The following PPP2R2B variants were observed in gnomAD, a reference collection of about 807,000 sequenced individuals.
PPP2R2B encodes protein phosphatase 2 regulatory subunit Bbeta.
A neutral mutation model predicts 46.0 loss-of-function variants in PPP2R2B; 5 were observed. The observed-to-expected ratio is 0.11, with a 90% CI of 0.06 to 0.23. The LOEUF is 0.23. PPP2R2B is among the 10% of genes least tolerant of loss of function. The pLI is 1.00. For missense variants in PPP2R2B, 367 were observed against 575.0 expected (o/e 0.64, Z 3.70); for synonymous variants, 215 against 206.7 (o/e 1.04, Z -0.34).
At chr5:146,928,080 C>T (rs1187264674) in intron 1 of PPP2R2B, among the ~76,000 whole-genome samples, 1 of 152,156 alleles carries the variant, frequency 6.6e-6, no homozygotes, top group African/African-American at 2.4e-5. Context: ...ATTCATCGCA[C>T]TATCTGCTGT....
intron 1 of PPP2R2B, among the ~76,000 whole-genome samples, chr5:147,031,071 C>T (rs1755756257): frequency 6.6e-6 from 1 of 151,998 alleles, no homozygotes; most frequent in African/African-American, 2.4e-5. Flanking sequence ...CCCGTCTCTA[C>T]TAAAAAATGC....
At chr5:146,825,977 G>A (rs978162815) in intron 2 of PPP2R2B, among the ~76,000 whole-genome samples, 1 of 152,012 alleles carries the variant, frequency 6.6e-6, no homozygotes, top group Non-Finnish European at 1.5e-5. Flanking sequence ...TCATGCCAGG[G>A]GAATCTTATG....
intron 2 of PPP2R2B, among the ~76,000 whole-genome samples, chr5:146,872,815 T>C (rs1421629985): frequency 6.6e-6 from 1 of 152,184 alleles, no homozygotes. Context: ...CCCTATTCTA[T>C]TGTGAGGTAC....
chr5:146,693,763 A>G (rs1779015470), intron 4 of PPP2R2B, among the ~76,000 whole-genome samples: 1 of 152,242 alleles, frequency 6.6e-6, no homozygotes, highest in Non-Finnish European at 1.5e-5. Flanking sequence ...TGTTTAACAC[A>G]GTATTAGGCT....
chr5:147,017,970 A>T (rs1042640698), intron 1 of PPP2R2B, among the ~76,000 whole-genome samples: 1 of 152,010 alleles, frequency 6.6e-6, no homozygotes, highest in Non-Finnish European at 1.5e-5. Flanking sequence ...AGACAGGACC[A>T]TGTAGTTTTG....
intron 6 of PPP2R2B, among the ~76,000 whole-genome samples, chr5:146,641,153 C>A (rs1033866487): frequency 6.6e-6 from 1 of 152,182 alleles, no homozygotes; most frequent in African/African-American, 2.4e-5. Context: ...TCCCCCTTGC[C>A]CCTCATCTCA....
intron 2 of PPP2R2B, among the ~76,000 whole-genome samples, chr5:146,832,582 CAG>C (rs1370340690): frequency 6.6e-6 from 1 of 151,580 alleles, no homozygotes; most frequent in African/African-American, 2.4e-5. Flanking sequence ...TTAGTAGAGA[CAG>C]AGTTTCATAT....
intron 5 of PPP2R2B, among the ~76,000 whole-genome samples, chr5:146,683,397 T>A (rs892383481): frequency 6.6e-5 from 10 of 152,134 alleles, no homozygotes; most frequent in African/African-American, 2.4e-4. Context: ...TGCACTCAAG[T>A]CCAAGCATTA....
intron 1 of PPP2R2B, among the ~76,000 whole-genome samples, chr5:146,997,172 T>C (rs1296107769): frequency 2.6e-5 from 4 of 152,138 alleles, no homozygotes; most frequent in Admixed American, 2.6e-4. Context: ...AAAAAAGGCA[T>C]AGTGCCTTAC....
intron 2 of PPP2R2B, among the ~76,000 whole-genome samples, chr5:146,861,065 T>C (rs2151392636): frequency 7.2e-6 from 1 of 139,494 alleles, no homozygotes; most frequent in Non-Finnish European, 1.5e-5. Context: ...TTTTTTTTTT[T>C]TTTTTTTTTG....
chr5:146,978,810 T>C (rs1753033886), intron 1 of PPP2R2B, among the ~76,000 whole-genome samples: 1 of 152,222 alleles, frequency 6.6e-6, no homozygotes, highest in Admixed American at 6.5e-5. Flanking sequence ...GCATGATGCC[T>C]CCAGCTTTGT....
chr5:146,594,319 C>T (rs1027373999), intron 8 of PPP2R2B, among the ~76,000 whole-genome samples: 7 of 152,174 alleles, frequency 4.6e-5, no homozygotes, highest in African/African-American at 7.2e-5. Context: ...GGACACTTGA[C>T]GTTGTTGGAC....
At chr5:147,035,066 A>G (rs1755969380) in intron 1 of PPP2R2B, 2 of 455,120 alleles carry the variant, frequency 4.4e-6, no homozygotes, top group Non-Finnish European at 4.4e-6. Context: ...CTCATTTAAC[A>G]TCATTCCCAG....
chr5:146,981,342 A>G (rs559997905), intron 1 of PPP2R2B, among the ~76,000 whole-genome samples: 4 of 152,206 alleles, frequency 2.6e-5, no homozygotes, highest in African/African-American at 4.8e-5. Flanking sequence ...TTACTCTTCA[A>G]TGAGAGTTTA....
At chr5:147,012,309 G>A (rs1754776846) in intron 1 of PPP2R2B, among the ~76,000 whole-genome samples, 1 of 152,198 alleles carries the variant, frequency 6.6e-6, no homozygotes. Flanking sequence ...AGTCTTGGGA[G>A]AATGTATGTG....
intron 1 of PPP2R2B, among the ~76,000 whole-genome samples, chr5:146,938,077 C>G (rs1324698519): frequency 6.6e-6 from 1 of 151,988 alleles, no homozygotes; most frequent in Non-Finnish European, 1.5e-5. Context: ...TTTTACTGGG[C>G]CAAAACGTAA....
chr5:146,663,107 T>C (rs569177025), intron 5 of PPP2R2B, among the ~76,000 whole-genome samples: 1 of 152,194 alleles, frequency 6.6e-6, no homozygotes, highest in Non-Finnish European at 1.5e-5. Flanking sequence ...CATAACAATT[T>C]TATGAGGTAG....
intron 2 of PPP2R2B, among the ~76,000 whole-genome samples, chr5:146,709,597 G>A (rs1780102677): frequency 6.6e-6 from 1 of 152,224 alleles, no homozygotes; most frequent in South Asian, 2.1e-4. Context: ...AGTGAGGGAA[G>A]GCCTTCTGAC....
chr5:146,901,690 T>C (rs1762841920), intron 1 of PPP2R2B, among the ~76,000 whole-genome samples: 1 of 151,956 alleles, frequency 6.6e-6, no homozygotes, highest in African/African-American at 2.4e-5. Context: ...TGAAGAGAAT[T>C]TGGTGAAAGA....
Sources: gnomAD v4.1 joint callset for allele counts (sites outside exome capture counted in the v4.1 genomes callset) on GRCh38, gnomAD v4.1.1 for gene constraint, MANE v1.5 for transcripts, NCBI Gene and HGNC (gene_info 2026-07-23, HGNC 2026-07-21) for gene names.